The following KCNQ5 variants were observed in gnomAD, a reference collection of about 807,000 sequenced individuals.
KCNQ5 encodes the protein potassium voltage-gated channel subfamily Q member 5, also known as potassium voltage-gated channel subfamily KQT member 5.
Under a neutral mutation model 98.2 loss-of-function variants are expected in KCNQ5, and 30 were observed. That is an observed-to-expected ratio of 0.31 (90% CI 0.23 to 0.41). KCNQ5 has a LOEUF of 0.41. Among genes scored for constraint, KCNQ5 ranks in the 10% least tolerant of loss-of-function variants. KCNQ5 has a pLI of 1.00. For synonymous variants in KCNQ5, 458 were observed against 449.4 expected, an observed-to-expected ratio of 1.02 and a Z score of -0.24; for missense variants, 835 against 1,182.5, an observed-to-expected ratio of 0.71 and a Z score of 4.31.
intron 10 of KCNQ5, chr6:73,135,398 A>G (rs1018377067): frequency 7.0e-6 from 1 of 143,824 alleles, no homozygotes; most frequent in Non-Finnish European, 1.5e-5. Context: ...GCAATAAAGG[A>G]TTTTCTTTTT....
intron 3 of KCNQ5, among the ~76,000 whole-genome samples, chr6:73,048,884 G>C (rs1169066026): frequency 6.6e-6 from 1 of 151,984 alleles, no homozygotes; most frequent in Non-Finnish European, 1.5e-5. Context: ...CCTTGCCAAG[G>C]GACTCTATTC....
chr6:73,033,299 T>C (rs1442136800), intron 2 of KCNQ5, among the ~76,000 whole-genome samples: 1 of 152,172 alleles, frequency 6.6e-6, no homozygotes, highest in East Asian at 1.9e-4. Flanking sequence ...AGTAACAAAG[T>C]GTCAATCAGT....
intron 1 of KCNQ5, among the ~76,000 whole-genome samples, chr6:72,841,697 C>T (rs4521543): frequency 6.6e-6 from 1 of 151,896 alleles, no homozygotes; most frequent in Non-Finnish European, 1.5e-5. Flanking sequence ...ATATATATTC[C>T]TTATATTTCA....
chr6:72,983,840 A>G (rs752344848), intron 1 of KCNQ5, among the ~76,000 whole-genome samples: 8 of 152,058 alleles, frequency 5.3e-5, no homozygotes, highest in Non-Finnish European at 8.8e-5. Flanking sequence ...GATGATGGTG[A>G]TCTACAGATG....
intron 10 of KCNQ5, among the ~76,000 whole-genome samples, chr6:73,150,007 G>GA (rs60083203): frequency 2.0e-3 from 271 of 135,292 alleles, no homozygotes; most frequent in Non-Finnish European, 2.7e-3. Context: ...CACCACAGGG[G>GA]AAAAAAAAAA....
chr6:72,783,729 T>A (rs962251400), intron 1 of KCNQ5, among the ~76,000 whole-genome samples: 4 of 152,256 alleles, frequency 2.6e-5, no homozygotes, highest in African/African-American at 9.6e-5. Flanking sequence ...CCTGGTTACA[T>A]TAAAAAGTTC....
chr6:73,037,472 T>C (rs953998332), intron 2 of KCNQ5, among the ~76,000 whole-genome samples: 3 of 152,220 alleles, frequency 2.0e-5, no homozygotes, highest in African/African-American at 7.2e-5. Context: ...TCCATTTTTT[T>C]CCTAAAAGTT....
chr6:72,901,467 T>G (rs1334603970), intron 1 of KCNQ5, among the ~76,000 whole-genome samples: 1 of 152,180 alleles, frequency 6.6e-6, no homozygotes, highest in East Asian at 1.9e-4. Flanking sequence ...CTTCTAGATT[T>G]TATAGAGTTT....
chr6:73,129,727 A>G, intron 9 of KCNQ5: 1 of 1,367,834 alleles, frequency 7.3e-7, no homozygotes. Flanking sequence ...TTATAAAAGA[A>G]TCCCTGAGCA....
intron 1 of KCNQ5, among the ~76,000 whole-genome samples, chr6:72,671,084 T>G (rs562800840): frequency 6.6e-6 from 1 of 152,328 alleles, no homozygotes; most frequent in East Asian, 1.9e-4. Context: ...AAATGACCTT[T>G]AACGCCCGTA....
chr6:73,107,770 A>C (rs1775064396), intron 6 of KCNQ5, among the ~76,000 whole-genome samples: 1 of 152,256 alleles, frequency 6.6e-6, no homozygotes, highest in African/African-American at 2.4e-5. Context: ...CCTATGTTGG[A>C]AATCTGAAAA....
At chr6:72,950,166 T>A (rs191960909) in intron 1 of KCNQ5, among the ~76,000 whole-genome samples, 2 of 152,228 alleles carry the variant, frequency 1.3e-5, no homozygotes, top group African/African-American at 4.8e-5. Context: ...GAATTTTGCC[T>A]GCTAGAAGTT....
chr6:73,074,743 G>T (rs1773449918), intron 3 of KCNQ5, among the ~76,000 whole-genome samples: 1 of 93,528 alleles, frequency 1.1e-5, no homozygotes. Context: ...GATTAAATAA[G>T]GTAATGTTTA....
intron 5 of KCNQ5, among the ~76,000 whole-genome samples, chr6:73,094,802 A>G (rs941015964): frequency 6.6e-6 from 1 of 152,162 alleles, no homozygotes; most frequent in African/African-American, 2.4e-5. Context: ...TGTTAATCTA[A>G]TAGGTTTTTA....
chr6:73,004,170 A>G (rs557485801), intron 2 of KCNQ5, among the ~76,000 whole-genome samples, 172 bp downstream of exon 2: 20 of 152,380 alleles, frequency 1.3e-4, no homozygotes, highest in African/African-American at 4.8e-4. Context: ...CATGTAGTCA[A>G]TCCTTAGAAA....
chr6:72,814,501 C>T (rs4583938), intron 1 of KCNQ5, among the ~76,000 whole-genome samples: 73,975 of 152,034 alleles, frequency 0.49, 18,146 homozygotes, highest in South Asian at 0.6. Context: ...GAGCAACGCC[C>T]GACACAGGAA....
At chr6:72,896,532 T>C (rs1178503304) in intron 1 of KCNQ5, among the ~76,000 whole-genome samples, 2 of 152,040 alleles carry the variant, frequency 1.3e-5, no homozygotes, top group Non-Finnish European at 2.9e-5. Flanking sequence ...ATTGCGGAGA[T>C]TCAGAGTCAG....
At chr6:72,887,800 T>G (rs1778902336) in intron 1 of KCNQ5, among the ~76,000 whole-genome samples, 1 of 151,342 alleles carries the variant, frequency 6.6e-6, no homozygotes, top group Non-Finnish European at 1.5e-5. Flanking sequence ...ACAGAAAAAC[T>G]AAGAAGAGGA....
chr6:73,079,850 G>T (rs1371113961), intron 5 of KCNQ5, among the ~76,000 whole-genome samples: 4 of 152,180 alleles, frequency 2.6e-5, no homozygotes, highest in African/African-American at 9.7e-5. Flanking sequence ...GAAAACAGGA[G>T]GCTTTTCTTG....
Sources: gnomAD v4.1 joint callset for allele counts (sites outside exome capture counted in the v4.1 genomes callset) on GRCh38, gnomAD v4.1.1 for gene constraint, MANE v1.5 for transcripts, NCBI Gene and HGNC (gene_info 2026-07-23, HGNC 2026-07-21) for gene names.